Variants in ATG7 observed in about 807,000 individuals in gnomAD.
ATG7 encodes autophagy related 7.
ATG7 carries 70 observed loss-of-function variants against 82.4 expected under a neutral mutation model. The ratio of observed to expected loss-of-function variants is 0.85; its 90% CI spans 0.70 to 1.04. ATG7 has a LOEUF of 1.04. Ranked by LOEUF, ATG7 falls within the 50% of genes least tolerant of loss-of-function variation. The probability of loss-of-function intolerance (pLI) is 0.00; values close to 1 mark genes in which losing one functional copy is unlikely to be tolerated. For synonymous variants in ATG7, 287 were observed against 313.0 expected (o/e 0.92, Z 0.88); for missense variants, 792 against 864.3 (o/e 0.92, Z 1.05).
intron 20 of ATG7, among the ~76,000 whole-genome samples, chr3:11,487,145 T>A (rs7624055): frequency 0.022 from 3,156 of 145,884 alleles, 135 homozygotes; most frequent in African/African-American, 0.076. Flanking sequence ...GAGCACAGGG[T>A]TGGGGGTAAG....
chr3:11,477,790 T>G (rs938129644), intron 20 of ATG7, among the ~76,000 whole-genome samples: 1 of 152,234 alleles, frequency 6.6e-6, no homozygotes, highest in Non-Finnish European at 1.5e-5. Context: ...CAGTACAGCC[T>G]AGACGCATTC....
intron 7 of ATG7, among the ~76,000 whole-genome samples, chr3:11,312,057 CT>C (rs2152718786): frequency 6.6e-6 from 1 of 151,384 alleles, no homozygotes; most frequent in Non-Finnish European, 1.5e-5. Context: ...TATGAGATTT[CT>C]TTTTGGAGTG....
At position 11,421,969 on chromosome 3, in the gene ATG7, C is replaced by G. The variant is rs1488973674; in HGVS notation, c.1957-4835C>G. On this transcript the variant is annotated intron_variant, in intron 19 of 20. Transcript: ENST00000693202. ...GAACCTTTTTTTCTGAGCAGTAGGT[C>G]TCAACAGTGGGCTTAAGATATTCAG... Among the ~76,000 whole-genome samples the G allele has an allele frequency of 3.9e-5, 6 of 152,186 alleles. No homozygotes were observed. The South Asian group carries it at 1.2e-3, about 32-fold the overall frequency.
At chr3:11,447,248 G>A (rs1245709216) in intron 20 of ATG7, among the ~76,000 whole-genome samples, 1 of 152,170 alleles carries the variant, frequency 6.6e-6, no homozygotes, top group African/African-American at 2.4e-5. Context: ...GGTGGATCAT[G>A]AGGTCAGGAA....
At chr3:11,454,219 G>A (rs967648356) in intron 20 of ATG7, among the ~76,000 whole-genome samples, 5 of 152,054 alleles carry the variant, frequency 3.3e-5, no homozygotes, top group Admixed American at 3.3e-4. Flanking sequence ...AGAAGCCCAG[G>A]GTCTCACTCT....
chr3:11,550,353 C>T (rs58762819), intron 20 of ATG7, among the ~76,000 whole-genome samples: 2,209 of 151,638 alleles, frequency 0.015, 39 homozygotes, highest in East Asian at 0.075. Context: ...CTGGCCGTGT[C>T]TTTGTCCACT....
At chr3:11,305,347 C>A (rs990639364) in intron 5 of ATG7, among the ~76,000 whole-genome samples, 1 of 152,210 alleles carries the variant, frequency 6.6e-6, no homozygotes, top group Non-Finnish European at 1.5e-5. Flanking sequence ...TCTTGGTATG[C>A]AGTTTTCTCC....
At chr3:11,407,511 CTG>C (rs1273530496) in intron 19 of ATG7, among the ~76,000 whole-genome samples, 1 of 152,220 alleles carries the variant, frequency 6.6e-6, no homozygotes, top group Non-Finnish European at 1.5e-5. Context: ...AGTAGGAACT[CTG>C]TGTGGGGGCT....
At chr3:11,298,904 G>A (rs1018865898) in intron 4 of ATG7, 49 bp downstream of exon 4, 3 of 1,597,462 alleles carry the variant, frequency 1.9e-6, no homozygotes, top group Non-Finnish European at 2.6e-6. Context: ...TATCCTCACG[G>A]TCCTCCAGTA....
chr3:11,377,321 G>T (rs2077493958), intron 18 of ATG7, among the ~76,000 whole-genome samples: 1 of 152,166 alleles, frequency 6.6e-6, no homozygotes, highest in Non-Finnish European at 1.5e-5. Context: ...TTCATTTTCT[G>T]GGAAAATAAA....
intron 19 of ATG7, among the ~76,000 whole-genome samples, chr3:11,419,337 G>A (rs1454934783): frequency 3.3e-5 from 5 of 152,288 alleles, no homozygotes; most frequent in African/African-American, 1.2e-4. Context: ...TGGATCGCTT[G>A]AGGCCAGGAG....
rs1450822958 is a variant in ATG7 at position 11,360,610 on chromosome 3, C to T, written c.1509C>T (p.Asp503=). The change falls in exon 16 of 21, where the codon GAC becomes GAT. Residue 503 remains aspartate (D), a synonymous_variant. Coordinates refer to ENST00000693202, the MANE Select transcript of ATG7 (RefSeq NM_001349232.2). ...TCATCAATGCTGCTTTGGGATTTGA[C>T]ACATTTGTTGTCATGAGACATGGTC... The part of the protein sequence containing the change: ...KLVINAALGF[D]TFVVMRHGLK... 1 of 1,614,024 alleles carries T rather than the reference C, an allele frequency of 6.2e-7. No homozygotes were observed. Among genetic ancestry groups the T allele is most frequent in the African/African-American group, 1.3e-5 (1 of 75,038 alleles).
intron 19 of ATG7, among the ~76,000 whole-genome samples, chr3:11,417,051 ATTTCT>A (rs1057418998): frequency 5.5e-4 from 83 of 152,010 alleles, no homozygotes; most frequent in African/African-American, 1.9e-3. Flanking sequence ...ACTCTTTATG[ATTTCT>A]TTTCTTTTAA....
chr3:11,558,039 A>G (rs1246152262), downstream of ATG7: 4 of 157,994 alleles, frequency 2.5e-5, no homozygotes, highest in East Asian at 3.7e-4. Context: ...CATAACACAT[A>G]AAGTTGTCAG....
chr3:11,523,511 T>C (rs1013827541), intron 20 of ATG7, among the ~76,000 whole-genome samples: 1 of 152,224 alleles, frequency 6.6e-6, no homozygotes, highest in African/African-American at 2.4e-5. Context: ...CTGAAGTGTT[T>C]GATTTAGAGT....
intron 18 of ATG7, among the ~76,000 whole-genome samples, chr3:11,368,913 T>C (rs2076812165): frequency 6.6e-6 from 1 of 151,066 alleles, no homozygotes; most frequent in South Asian, 2.1e-4. Flanking sequence ...TGAATGTGTA[T>C]ATGCCATTCT....
At position 11,422,566 on chromosome 3, in the gene ATG7, C is replaced by T. The variant is rs538959288; in HGVS notation, c.1957-4238C>T. ...TGATCTTCCAGATCACTAAAACTTT[C>T]TCTGTAGCTCTTTTACTTTATTTTT... On this transcript the variant is annotated intron_variant, in intron 19 of 20. Coordinates refer to ENST00000693202, the MANE Select transcript of ATG7 (RefSeq NM_001349232.2). Among the ~76,000 whole-genome samples, 15 of 152,118 alleles carry T rather than the reference C, an allele frequency of 9.9e-5. No homozygotes were observed. In the East Asian group the frequency reaches 2.7e-3, roughly 27 times the overall value.
intron 20 of ATG7, among the ~76,000 whole-genome samples, chr3:11,457,821 G>T (rs541408883): frequency 6.6e-6 from 1 of 152,140 alleles, no homozygotes; most frequent in Non-Finnish European, 1.5e-5. Flanking sequence ...CAGTGGTAGC[G>T]CTTGTGTTGA....
intron 10 of ATG7, 66 bp from the exon 11 acceptor site, chr3:11,332,906 G>T (rs2152756759): frequency 7.3e-7 from 1 of 1,367,526 alleles, no homozygotes; most frequent in South Asian, 1.9e-5. Flanking sequence ...GCTCTTATGT[G>T]AGCTTTTTCT....
Sources: allele counts gnomAD v4.1 joint callset (sites outside exome capture counted in the v4.1 genomes callset), GRCh38; gene constraint gnomAD v4.1.1; transcripts MANE v1.5; gene names NCBI Gene and HGNC (gene_info 2026-07-23, HGNC 2026-07-21).